Variants in XIRP2 observed in about 807,000 individuals in gnomAD.
XIRP2 encodes the protein xin actin binding repeat containing 2.
XIRP2 carries 236 observed loss-of-function variants against 277.0 expected under a neutral mutation model. The ratio of observed to expected loss-of-function variants is 0.85; its 90% CI spans 0.77 to 0.95. XIRP2 has a LOEUF of 0.95. Ranked by LOEUF, XIRP2 falls within the 40% of genes least tolerant of loss-of-function variation. The probability of loss-of-function intolerance (pLI) is 0.00; values close to 1 mark genes in which losing one functional copy is unlikely to be tolerated. For synonymous variants in XIRP2, 1,490 were observed against 1,416.5 expected, an observed-to-expected ratio of 1.05 and a Z score of -1.17; for missense variants, 4,640 against 4,157.5, an observed-to-expected ratio of 1.12 and a Z score of -3.19.
chr2:167,196,224 C>T (rs1190339477), intron 3 of XIRP2, among the ~76,000 whole-genome samples: 2 of 152,050 alleles, frequency 1.3e-5, no homozygotes, highest in African/African-American at 4.8e-5. Flanking sequence ...TTGTGGGTAA[C>T]ATTTTTAAGC....
rs996793703 is a variant in XIRP2, at chr2:167,210,907, C to T, written c.723+12C>T. On this transcript the variant is annotated intron_variant, in intron 4 of 10. Coordinates refer to ENST00000409195, the MANE Select transcript of XIRP2 (RefSeq NM_152381.6). ...GCTTCTCTGCTAATGTAAGCTGCTCCTAATGGTTTTGCACTAGGCAATGTG... is the reference window on the plus strand; with the variant it reads ...GCTTCTCTGCTAATGTAAGCTGCTCTTAATGGTTTTGCACTAGGCAATGTG... 8.1e-6 allele frequency: 13 copies of T among 1,613,558 alleles called. No homozygotes were observed. The highest frequency in any genetic ancestry group is 1.1e-5 in the Non-Finnish European group (13 of 1,179,832).
rs1165838926 is a variant in XIRP2, at chr2:167,249,312, G to C, written c.7920G>C (p.Lys2640Asn). Reference sequence around the variant, plus strand: ...CATCGCCAGAAACAGTCGCTGCCAAGAGGCTCCACCATGTTTTAGCAGCTT... The same window carrying C: ...CATCGCCAGAAACAGTCGCTGCCAACAGGCTCCACCATGTTTTAGCAGCTT... Reference protein sequence around the residue: ...STTSPETVAAKRLHHVLAASE... With the variant: ...STTSPETVAANRLHHVLAASE... The change falls in exon 9 of 11, where the codon AAG becomes AAC. Residue 2640 changes from lysine to asparagine, a missense_variant. Lys to Asn is a moderately conservative substitution (Grantham distance 94). Coordinates refer to ENST00000409195, the MANE Select transcript of XIRP2 (RefSeq NM_152381.6). 2 of 1,613,666 alleles carry C rather than the reference G, an allele frequency of 1.2e-6. No homozygotes were observed. Among genetic ancestry groups the C allele is most frequent in the African/African-American group, 2.7e-5 (2 of 74,890 alleles).
intron 2 of XIRP2, among the ~76,000 whole-genome samples, chr2:166,914,628 C>G (rs550494554): frequency 1.8e-4 from 28 of 152,254 alleles, no homozygotes; most frequent in African/African-American, 6.7e-4. Context: ...AGGCGTGAGC[C>G]AACACACCTG....
chr2:167,146,732 C>T (rs1181770405), intron 3 of XIRP2, among the ~76,000 whole-genome samples: 1 of 151,962 alleles, frequency 6.6e-6, no homozygotes, highest in Non-Finnish European at 1.5e-5. Flanking sequence ...CCAGTTAGGT[C>T]CTTTAAACCT....
At chr2:167,235,309 A>G (rs79677577) in intron 5 of XIRP2, among the ~76,000 whole-genome samples, 4,798 of 151,952 alleles carry the variant, frequency 0.032, 118 homozygotes, top group Non-Finnish European at 0.045. Context: ...AAAGTGATTG[A>G]TATATTATTG....
At chr2:167,196,739 C>A (rs975163174) in intron 3 of XIRP2, among the ~76,000 whole-genome samples, 1 of 152,030 alleles carries the variant, frequency 6.6e-6, no homozygotes, top group Non-Finnish European at 1.5e-5. Flanking sequence ...ATCCTGAAAA[C>A]CTACTGAGGT....
At chr2:167,177,289 T>G (rs896791938) in intron 3 of XIRP2, among the ~76,000 whole-genome samples, 6 of 152,344 alleles carry the variant, frequency 3.9e-5, no homozygotes, top group East Asian at 3.9e-4. Flanking sequence ...AGGTTTCTCC[T>G]ATAACCTTGG....
intron 2 of XIRP2, among the ~76,000 whole-genome samples, chr2:167,059,455 TA>T (rs1689125545): frequency 7.2e-6 from 1 of 138,260 alleles, no homozygotes; most frequent in African/African-American, 2.6e-5. Context: ...TGGAAAAAAA[TA>T]AAATAAAATA....
chr2:166,981,756 T>C (rs995837165), intron 2 of XIRP2, among the ~76,000 whole-genome samples: 1 of 152,192 alleles, frequency 6.6e-6, no homozygotes, highest in Admixed American at 6.5e-5. Flanking sequence ...TCACCACAGT[T>C]CAGTATGAAG....
rs117708676 is a variant in XIRP2, at chr2:167,171,895, C to T, written c.562+35833C>T. 4.0e-4 allele frequency among the ~76,000 whole-genome samples: 61 copies of T among 152,284 alleles called. No homozygotes were observed. In the East Asian group the frequency reaches 0.011, roughly 26 times the overall value. On this transcript the variant is annotated intron_variant, in intron 3 of 10. Coordinates refer to ENST00000409195, the MANE Select transcript of XIRP2 (RefSeq NM_152381.6). ...TTAGTTTTCCCATTCTTAGTGTCTT[C>T]ATGACACATGTTTTAAATGTACTTT...
chr2:167,105,002 T>C (rs1245982758), intron 2 of XIRP2, among the ~76,000 whole-genome samples: 1 of 152,046 alleles, frequency 6.6e-6, no homozygotes. Flanking sequence ...GCTAATTTGA[T>C]ATATGAATTA....
At chr2:166,995,613 C>G (rs568010204) in intron 2 of XIRP2, among the ~76,000 whole-genome samples, 99 of 152,218 alleles carry the variant, frequency 6.5e-4, no homozygotes, top group African/African-American at 2.3e-3. Context: ...TAAAGATAGA[C>G]TATTAAATTT....
Position 167,244,885 on chromosome 2 carries a change from G to A in XIRP2, c.3493G>A (p.Ala1165Thr). 6.2e-7 allele frequency: 1 copy of A among 1,613,300 alleles called. No individual in the cohort carries two copies. Among genetic ancestry groups the A allele is most frequent in the South Asian group, 1.1e-5 (1 of 90,904 alleles). The change falls in exon 9 of 11, where the codon GCA becomes ACA. Residue 1165 changes from alanine (A) to threonine (T), a missense_variant. Ala to Thr is a moderately conservative substitution (Grantham distance 58). Coordinates refer to ENST00000409195, the MANE Select transcript of XIRP2 (RefSeq NM_152381.6). ...EEIQGGDVRT[A>T]CFLFETENLD... Reference sequence around the variant, plus strand: ...GATCCAAGGTGGGGATGTTCGTACAGCATGTTTTCTTTTTGAGACAGAAAA... The same window carrying A: ...GATCCAAGGTGGGGATGTTCGTACAACATGTTTTCTTTTTGAGACAGAAAA...
chr2:167,199,464 A>G (rs1050790602), intron 3 of XIRP2, among the ~76,000 whole-genome samples: 1 of 152,234 alleles, frequency 6.6e-6, no homozygotes, highest in African/African-American at 2.4e-5. Flanking sequence ...CACATGACCC[A>G]GCTTCATATG....
rs376255866 is a variant in XIRP2 at position 167,240,687 on chromosome 2, C to G, written c.993C>G (p.Thr331=). ...TEMVSHLEKH[T]EEVNQASQFH... Reference sequence around the variant, plus strand: ...AGGTCTCTCATCTTGAAAAGCACACCGAGGAAGTAAACCAAGCATCTCAGT... The same window carrying G: ...AGGTCTCTCATCTTGAAAAGCACACGGAGGAAGTAAACCAAGCATCTCAGT... The change falls in exon 7 of 11, where the codon ACC becomes ACG. Residue 331 remains threonine, a synonymous_variant. Transcript: ENST00000409195. 1 of 1,613,632 alleles carries G rather than the reference C, an allele frequency of 6.2e-7. No homozygotes were observed. The highest frequency in any genetic ancestry group is 1.7e-5 in the Admixed American group (1 of 59,994).
chr2:167,183,023 T>C (rs1693059098), intron 3 of XIRP2, among the ~76,000 whole-genome samples: 1 of 152,080 alleles, frequency 6.6e-6, no homozygotes, highest in African/African-American at 2.4e-5. Context: ...ACATAGAATT[T>C]TGAAGTACCC....
chr2:166,893,009 A>C (rs928469978), intron 1 of XIRP2, among the ~76,000 whole-genome samples: 29 of 125,814 alleles, frequency 2.3e-4, no homozygotes, highest in East Asian at 8.2e-4. Flanking sequence ...CACACACACA[A>C]CACCACCAGA....
intron 2 of XIRP2, among the ~76,000 whole-genome samples, chr2:166,994,753 T>C (rs976061972): frequency 2.0e-5 from 3 of 151,714 alleles, no homozygotes; most frequent in African/African-American, 7.3e-5. Flanking sequence ...ATTATGTCAG[T>C]GTTAATTTCC....
At chr2:166,979,466 G>A (rs1686805437) in intron 2 of XIRP2, among the ~76,000 whole-genome samples, 1 of 149,204 alleles carries the variant, frequency 6.7e-6, no homozygotes, top group African/African-American at 2.5e-5. Context: ...CCAAATCTTA[G>A]GAGAAAGCAT....
Sources: allele counts gnomAD v4.1 joint callset (sites outside exome capture counted in the v4.1 genomes callset), GRCh38; gene constraint gnomAD v4.1.1; transcripts MANE v1.5; gene names NCBI Gene and HGNC (gene_info 2026-07-23, HGNC 2026-07-21).